The following SLC4A8 variants were observed in gnomAD, a reference collection of about 807,000 sequenced individuals.
SLC4A8 encodes the protein electroneutral sodium bicarbonate exchanger 1.
Under a neutral mutation model 125.0 loss-of-function variants are expected in SLC4A8, and 40 were observed. The ratio of observed to expected loss-of-function variants is 0.32; its 90% confidence interval spans 0.25 to 0.42. SLC4A8 has a LOEUF of 0.42. Ranked by LOEUF, SLC4A8 falls within the 10% of genes least tolerant of loss-of-function variation. The probability of loss-of-function intolerance (pLI) is 1.00; values close to 1 mark genes in which losing one functional copy is unlikely to be tolerated. For synonymous variants in SLC4A8, 456 were observed against 476.0 expected (o/e 0.96, Z 0.55); for missense variants, 863 against 1,355.1 (o/e 0.64, Z 5.70).
intron 2 of SLC4A8, among the ~76,000 whole-genome samples, chr12:51,446,668 G>C (rs1341110106): frequency 6.6e-6 from 1 of 152,210 alleles, no homozygotes; most frequent in African/African-American, 2.4e-5. Flanking sequence ...ATGCCCTGGT[G>C]AGTACTTTAT....
At chr12:51,446,569 C>T (rs1320309484) in intron 2 of SLC4A8, among the ~76,000 whole-genome samples, 1 of 152,100 alleles carries the variant, frequency 6.6e-6, no homozygotes, top group Non-Finnish European at 1.5e-5. Context: ...AAAGAGTTGG[C>T]AACTCTTCCC....
chr12:51,417,751 C>T (rs1948714309), intron 1 of SLC4A8, among the ~76,000 whole-genome samples: 2 of 152,052 alleles, frequency 1.3e-5, no homozygotes, highest in African/African-American at 2.4e-5. Flanking sequence ...CTCCTGACCT[C>T]GTGATCTGCC....
At chr12:51,407,326 A>G (rs951792755) in intron 1 of SLC4A8, among the ~76,000 whole-genome samples, 1 of 152,118 alleles carries the variant, frequency 6.6e-6, no homozygotes, top group African/African-American at 2.4e-5. Flanking sequence ...TGGCACAATC[A>G]TAGCTCGCTG....
intron 1 of SLC4A8, among the ~76,000 whole-genome samples, chr12:51,427,083 C>T (rs990326473): frequency 2.0e-5 from 3 of 151,798 alleles, no homozygotes; most frequent in African/African-American, 7.3e-5. Flanking sequence ...CGACTACAGG[C>T]GCCTTCCACC....
Position 51,453,635 on chromosome 12 carries a change from G to A in SLC4A8, c.510G>A (p.Arg170=). Residue 170 remains arginine (R), a synonymous_variant, in exon 5 of 25, where the codon AGG becomes AGA. Transcript: ENST00000453097. ...CATTGCACAGCCTGTTTGAGCTAAG[G>A]AGCTGCCTTATTAATGGAACAGTCC... ...TLSLHSLFEL[R]SCLINGTVLL... is the part of the protein sequence containing the mutation. 1.2e-6 allele frequency: 2 copies of A among 1,614,194 alleles called. 1 individual carries two copies. The highest frequency in any genetic ancestry group is 2.2e-5 in the South Asian group (2 of 91,076).
intron 2 of SLC4A8, among the ~76,000 whole-genome samples, chr12:51,446,285 G>T (rs951723281): frequency 6.6e-6 from 1 of 152,166 alleles, no homozygotes; most frequent in Non-Finnish European, 1.5e-5. Flanking sequence ...TAAGAAGTGC[G>T]ATTCCACCAG....
intron 1 of SLC4A8, among the ~76,000 whole-genome samples, chr12:51,402,498 G>T (rs540841042): frequency 6.6e-6 from 1 of 152,238 alleles, no homozygotes; most frequent in South Asian, 2.1e-4. Context: ...AAGGTGCGTG[G>T]ATCACCTGAG....
intron 1 of SLC4A8, among the ~76,000 whole-genome samples, chr12:51,395,062 G>A (rs1182336248): frequency 6.6e-6 from 1 of 151,966 alleles, no homozygotes; most frequent in African/African-American, 2.4e-5. Flanking sequence ...ACGGGTTTCT[G>A]TAAATGAAAA....
At chr12:51,468,910 A>G (rs1826326993) in intron 11 of SLC4A8, among the ~76,000 whole-genome samples, 1 of 152,088 alleles carries the variant, frequency 6.6e-6, no homozygotes, top group Admixed American at 6.6e-5. Flanking sequence ...CTCACCTCTA[A>G]GTGTCACCCA....
At chr12:51,404,171 AG>A (rs938147477) in intron 1 of SLC4A8, among the ~76,000 whole-genome samples, 2 of 152,186 alleles carry the variant, frequency 1.3e-5, no homozygotes, top group Non-Finnish European at 2.9e-5. Flanking sequence ...AGCTACATGA[AG>A]GGGTTAGATG....
chr12:51,429,709 A>C (rs55917660), intron 1 of SLC4A8, among the ~76,000 whole-genome samples: 1 of 151,218 alleles, frequency 6.6e-6, no homozygotes, highest in Non-Finnish European at 1.5e-5. Flanking sequence ...GAGTCTCACT[A>C]TGTTGCCTGG....
chr12:51,466,802 A>G (rs1950530598), intron 11 of SLC4A8, among the ~76,000 whole-genome samples: 1 of 152,188 alleles, frequency 6.6e-6, no homozygotes, highest in Admixed American at 6.5e-5. Flanking sequence ...AATAACTGCT[A>G]GACAGACAGA....
At chr12:51,399,166 G>A (rs1233277005) in intron 1 of SLC4A8, among the ~76,000 whole-genome samples, 1 of 152,194 alleles carries the variant, frequency 6.6e-6, no homozygotes, top group African/African-American at 2.4e-5. Flanking sequence ...ATAACTCATT[G>A]GTAGATGAGT....
rs1938289222 is a variant in SLC4A8, at chr12:51,509,502, A to G, written c.*2064A>G. On this transcript the variant is annotated 3_prime_UTR_variant, in exon 25 of 25. Transcript: ENST00000453097. ...TTGAGCTTGCCACTTTTTCATCTTCATTGTTCCCTGAGAACATCTCCCCTT... is the reference window on the plus strand; with the variant it reads ...TTGAGCTTGCCACTTTTTCATCTTCGTTGTTCCCTGAGAACATCTCCCCTT... 1 of 152,066 alleles carries G rather than the reference A, an allele frequency of 6.6e-6. No individual in the cohort carries two copies. The highest frequency in any genetic ancestry group is 2.1e-4 in the South Asian group (1 of 4,812). 9.4% of individuals were successfully genotyped at this position (152,066 alleles called of 1,614,324 possible). A position where few individuals can be genotyped will look rare whatever the true frequency, so the allele number is the denominator to read the frequency against.
rs928075666 is a variant in SLC4A8 at position 51,414,411 on chromosome 12, T to C, written c.-112+22923T>C. ...CTCTTTAATCTGAATGCCTTTTATT[T>C]GTTTCTCTTGCCTGATTGCTCTGGC... On this transcript the variant is annotated intron_variant, in intron 1 of 24. Transcript: ENST00000358657. Among the ~76,000 whole-genome samples the C allele has an allele frequency of 3.3e-5, 5 of 152,210 alleles. No homozygotes were observed. In the East Asian group the frequency reaches 7.7e-4, roughly 23 times the overall value.
chr12:51,504,504 A>T (rs1938079751), intron 23 of SLC4A8, among the ~76,000 whole-genome samples: 1 of 152,264 alleles, frequency 6.6e-6, no homozygotes, highest in Admixed American at 6.5e-5. Flanking sequence ...ATCCAAAGTT[A>T]CAATGTTGCT....
chr12:51,405,884 T>A (rs1225791188), intron 1 of SLC4A8, among the ~76,000 whole-genome samples: 1 of 152,172 alleles, frequency 6.6e-6, no homozygotes, highest in Non-Finnish European at 1.5e-5. Flanking sequence ...ACGTAAGAGG[T>A]GACTTGTTTT....
intron 1 of SLC4A8, among the ~76,000 whole-genome samples, chr12:51,393,981 GTC>G (rs1410965997): frequency 1.3e-5 from 2 of 152,212 alleles, no homozygotes; most frequent in Non-Finnish European, 2.9e-5. Flanking sequence ...TGCCCCTCAT[GTC>G]TCTCTTCTTG....
chr12:51,426,180 C>G (rs879462722), intron 1 of SLC4A8, among the ~76,000 whole-genome samples: 11 of 152,202 alleles, frequency 7.2e-5, no homozygotes, highest in Admixed American at 4.6e-4. Context: ...GTATCAGACA[C>G]TGACTCTCTC....
Sources: allele counts gnomAD v4.1 joint callset (sites outside exome capture counted in the v4.1 genomes callset), GRCh38; gene constraint gnomAD v4.1.1; transcripts MANE v1.5; gene names NCBI Gene and HGNC (gene_info 2026-07-23, HGNC 2026-07-21).